HNF4G: variants seen among roughly 807,000 people sequenced by gnomAD.
The protein encoded by HNF4G is hepatocyte nuclear factor 4 gamma, also known as hepatocyte nuclear factor 4-gamma.
HNF4G carries 21 observed loss-of-function variants against 50.9 expected under a neutral mutation model. The observed-to-expected ratio is 0.41, with a 90% CI of 0.29 to 0.59. HNF4G has a LOEUF of 0.59. Ranked by LOEUF, HNF4G falls within the 20% of genes least tolerant of loss-of-function variation. The probability of loss-of-function intolerance (pLI) is 0.26; values close to 1 mark genes in which losing one functional copy is unlikely to be tolerated. For missense variants in HNF4G, 527 were observed against 559.4 expected, an observed-to-expected ratio of 0.94 and a Z score of 0.58; for synonymous variants, 198 against 185.6, an observed-to-expected ratio of 1.07 and a Z score of -0.54.
intron 2 of HNF4G, among the ~76,000 whole-genome samples, chr8:75,524,829 G>A (rs1386834695): frequency 6.6e-6 from 1 of 152,188 alleles, no homozygotes; most frequent in East Asian, 1.9e-4. Context: ...TGTTTGTTAA[G>A]AATATAAGTG....
chr8:75,459,497 A>T (rs1811797750), intron 1 of HNF4G, among the ~76,000 whole-genome samples: 1 of 152,204 alleles, frequency 6.6e-6, no homozygotes, highest in African/African-American at 2.4e-5. Context: ...GAGTGATAGG[A>T]TTCTGGATCA....
At chr8:75,537,968 C>T (rs1806513318), upstream of HNF4G, among the ~76,000 whole-genome samples, 1 of 152,180 alleles carries the variant, frequency 6.6e-6, no homozygotes, top group Admixed American at 6.5e-5. Flanking sequence ...AGGGCTTCCA[C>T]TGTACTTTGT....
chr8:75,441,136 TG>T (rs1403998059), intron 1 of HNF4G, among the ~76,000 whole-genome samples: 1 of 152,192 alleles, frequency 6.6e-6, no homozygotes, highest in Non-Finnish European at 1.5e-5. Flanking sequence ...GTGCATGACT[TG>T]TATGTGTGTT....
At chr8:75,483,782 TATA>T (rs1812437040) in intron 1 of HNF4G, among the ~76,000 whole-genome samples, 1 of 152,224 alleles carries the variant, frequency 6.6e-6, no homozygotes. Context: ...TAAAATTTAT[TATA>T]ATAACACTTA....
chr8:75,418,719 TC>T (rs1448115892), intron 1 of HNF4G, among the ~76,000 whole-genome samples: 3 of 142,076 alleles, frequency 2.1e-5, no homozygotes, highest in African/African-American at 7.8e-5. Context: ...TCTCTCTCTC[TC>T]TCTTTTTTTT....
At chr8:75,413,332 A>AGGGAAGGGGAGGGGT (rs1810549366) in intron 1 of HNF4G, among the ~76,000 whole-genome samples, 3 of 13,616 alleles carry the variant, frequency 2.2e-4, no homozygotes, top group African/African-American at 8.9e-4. Flanking sequence ...AGGGGAAGGG[A>AGGGAAGGGGAGGGGT]GGGGAGGGGA....
intron 1 of HNF4G, among the ~76,000 whole-genome samples, chr8:75,461,145 G>C (rs962488711): frequency 7.2e-5 from 11 of 152,128 alleles, no homozygotes; most frequent in Non-Finnish European, 1.5e-4. Context: ...ACCACGAACT[G>C]AGTGTTGTGA....
At chr8:75,466,538 TCTC>T (rs1411297139) in intron 1 of HNF4G, among the ~76,000 whole-genome samples, 1 of 142,520 alleles carries the variant, frequency 7.0e-6, no homozygotes, top group Non-Finnish European at 1.5e-5. Context: ...TCCTTCCTTC[TCTC>T]CTCCTCCTTC....
rs139195290 is a variant in HNF4G at position 75,462,763 on chromosome 8, G to T, written c.-143-27326G>T. ...ATTCTGGCTTCATCATTTACTAACT[G>T]TATAACATCAGATAAATATCTTAGT... On this transcript the variant is annotated intron_variant, in intron 1 of 10. Transcript: ENST00000354370. Among the ~76,000 whole-genome samples, 81 of 152,204 alleles carry T rather than the reference G, an allele frequency of 5.3e-4. 1 individual carries two copies. In the East Asian group the frequency reaches 0.014, roughly 27 times the overall value.
intron 1 of HNF4G, among the ~76,000 whole-genome samples, chr8:75,485,993 C>A (rs1812489130): frequency 6.6e-6 from 1 of 152,182 alleles, no homozygotes; most frequent in African/African-American, 2.4e-5. Flanking sequence ...AGCTTCCCTA[C>A]TAGGTCTGCT....
At chr8:75,437,202 CAAAAG>C (rs1811160330) in intron 1 of HNF4G, among the ~76,000 whole-genome samples, 1 of 151,990 alleles carries the variant, frequency 6.6e-6, no homozygotes, top group South Asian at 2.1e-4. Context: ...AAAAGAAAAC[CAAAAG>C]AAAAGTGTGA....
intron 1 of HNF4G, among the ~76,000 whole-genome samples, chr8:75,464,239 T>C (rs976496484): frequency 3.3e-5 from 5 of 150,372 alleles, no homozygotes; most frequent in Non-Finnish European, 5.9e-5. Context: ...TTCTCTCTCT[T>C]TTTTTTTTAA....
intron 9 of HNF4G, among the ~76,000 whole-genome samples, chr8:75,562,971 A>T (rs1807356314): frequency 6.6e-6 from 1 of 152,152 alleles, no homozygotes; most frequent in Non-Finnish European, 1.5e-5. Context: ...TGCACTTAAA[A>T]ATTTTGCTTC....
At chr8:75,417,024 T>C (rs991110465) in intron 1 of HNF4G, among the ~76,000 whole-genome samples, 1 of 152,224 alleles carries the variant, frequency 6.6e-6, no homozygotes, top group African/African-American at 2.4e-5. Flanking sequence ...CTTGCTATCT[T>C]GACTCTTCTT....
In HNF4G at chr8:75,542,924, C is replaced by T. The variant is rs767760896; in HGVS notation, c.119-887C>T. Among the ~76,000 whole-genome samples the T allele has an allele frequency of 5.9e-5, 9 of 152,136 alleles. No individual in the cohort carries two copies. The East Asian group carries it at 9.6e-4, about 16-fold the overall frequency. On this transcript the variant is annotated intron_variant, in intron 1 of 9. Coordinates refer to ENST00000396423, the MANE Select transcript of HNF4G (RefSeq NM_004133.5). The stretch of plus-strand genomic sequence containing the variant: ...ATTTCAGGCCAGGCGCAGTGGCTCA[C>T]GCCTATAATTTCAGCACTTTGGGAT...
chr8:75,499,446 C>A (rs1409723651), intron 2 of HNF4G, among the ~76,000 whole-genome samples: 1 of 151,880 alleles, frequency 6.6e-6, no homozygotes, highest in African/African-American at 2.4e-5. Flanking sequence ...TGTAAGATGG[C>A]AATACTCCAC....
intron 1 of HNF4G, among the ~76,000 whole-genome samples, chr8:75,438,789 C>G (rs959549548): frequency 2.0e-5 from 3 of 152,064 alleles, no homozygotes; most frequent in South Asian, 2.1e-4. Flanking sequence ...ATACTCCAAT[C>G]ACATGTAACC....
At position 75,542,500 on chromosome 8, in the gene HNF4G, C is replaced by A. The variant is rs369060592; in HGVS notation, c.119-1311C>A. ...CCAGACAGAAGGAACAGCAGGTGAA[C>A]AAGTTCTGAGATGAGAGTAGCCTTC... On this transcript the variant is annotated intron_variant, in intron 1 of 9. Transcript: ENST00000396423. Among the ~76,000 whole-genome samples, 23 of 103,284 alleles carry A rather than the reference C, an allele frequency of 2.2e-4. No homozygotes were observed. The East Asian group carries it at 2.7e-3, about 12-fold the overall frequency. 67.8% of individuals were successfully genotyped at this position (103,284 alleles called of 152,430 possible). A position where few individuals can be genotyped will look rare whatever the true frequency, so the allele number is the denominator to read the frequency against.
At chr8:75,448,968 CAAAG>C (rs1811503549) in intron 1 of HNF4G, among the ~76,000 whole-genome samples, 2 of 152,050 alleles carry the variant, frequency 1.3e-5, no homozygotes, top group South Asian at 2.1e-4. Flanking sequence ...TTAAAAATGA[CAAAG>C]AAAATCAAAT....
Sources: allele counts gnomAD v4.1 joint callset (sites outside exome capture counted in the v4.1 genomes callset), GRCh38; gene constraint gnomAD v4.1.1; transcripts MANE v1.5; gene names NCBI Gene and HGNC (gene_info 2026-07-23, HGNC 2026-07-21).